FASTKD1: variants seen among roughly 807,000 people sequenced by gnomAD.
FASTKD1 encodes FAST kinase domains 1.
A neutral mutation model predicts 90.9 loss-of-function variants in FASTKD1; 94 were observed. That is an observed-to-expected ratio of 1.03 (90% CI 0.88 to 1.23). The LOEUF is 1.23. Among genes scored for constraint, FASTKD1 ranks in the 50% most tolerant of loss-of-function variants. FASTKD1 has a pLI of 0.00. For missense variants in FASTKD1, 945 were observed against 993.5 expected, an observed-to-expected ratio of 0.95 and a Z score of 0.66; for synonymous variants, 319 against 345.8, an observed-to-expected ratio of 0.92 and a Z score of 0.86.
chr2:169,556,548 G>C (rs1041023414), intron 6 of FASTKD1, among the ~76,000 whole-genome samples: 1 of 152,176 alleles, frequency 6.6e-6, no homozygotes, highest in Non-Finnish European at 1.5e-5. Flanking sequence ...GGAGGGCTGG[G>C]TGCGGTGGCT....
chr2:169,545,910 A>C (rs1685168397), intron 8 of FASTKD1, among the ~76,000 whole-genome samples: 1 of 152,168 alleles, frequency 6.6e-6, no homozygotes, highest in African/African-American at 2.4e-5. Context: ...AGGAACAACA[A>C]ATCGCTGAAA....
At position 169,531,391 on chromosome 2, in the gene FASTKD1, A is replaced by G. The variant is rs1412616278; in HGVS notation, c.2288T>C (p.Ile763Thr). Residue 763 changes from isoleucine (I) to threonine (T), a missense_variant, in exon 13 of 15, where the codon ATC becomes ACC. Physicochemically the swap from Ile to Thr is moderately conservative, Grantham distance 89. Coordinates refer to ENST00000453153, the MANE Select transcript of FASTKD1 (RefSeq NM_024622.6). Reference sequence around the variant, plus strand: ...TGGCAGCCTTGATCCAACTATTTCGATATTTGATTCCCAGGGCATTTCTGG... The same window carrying G: ...TGGCAGCCTTGATCCAACTATTTCGGTATTTGATTCCCAGGGCATTTCTGG... Reference protein sequence around the residue: ...QLPEMPWESNIEIVGSRLPPG... With the variant: ...QLPEMPWESNTEIVGSRLPPG... 6.2e-7 allele frequency: 1 copy of G among 1,613,296 alleles called. No individual in the cohort carries two copies. Among genetic ancestry groups the G allele is most frequent in the Non-Finnish European group, 8.5e-7 (1 of 1,179,902 alleles).
Position 169,530,921 on chromosome 2 carries a change from T to G in FASTKD1, c.2328-220A>C, listed in dbSNP as rs1684452334. The G allele has an allele frequency of 5.7e-6, 4 of 695,866 alleles. No homozygotes were observed. In the Admixed American group the frequency reaches 7.4e-5, roughly 13 times the overall value. 43.1% of individuals were successfully genotyped at this position (695,866 alleles called of 1,614,324 possible). A position where few individuals can be genotyped will look rare whatever the true frequency, so the allele number is the denominator to read the frequency against. ...ATATTTGTCTGCTTTCATCCATTTT[T>G]TTGGTCCAATATATATTTACACATG... On this transcript the variant is annotated intron_variant, in intron 13 of 14. Transcript: ENST00000453153.
chr2:169,568,049 T>G (rs1684062719), intron 3 of FASTKD1, among the ~76,000 whole-genome samples: 1 of 152,216 alleles, frequency 6.6e-6, no homozygotes, highest in African/African-American at 2.4e-5. Context: ...GATTATCAAG[T>G]AAGGCAACAT....
intron 13 of FASTKD1, 47 bp from the exon 14 acceptor site, chr2:169,530,748 C>G (rs1684445748): frequency 1.0e-6 from 1 of 1,004,822 alleles, no homozygotes; most frequent in Non-Finnish European, 1.5e-6. Flanking sequence ...GAATAAGAAA[C>G]TGAATAATTA....
intron 9 of FASTKD1, among the ~76,000 whole-genome samples, chr2:169,541,661 T>A (rs975807587): frequency 2.0e-5 from 3 of 152,212 alleles, no homozygotes; most frequent in Non-Finnish European, 4.4e-5. Context: ...ACTTGCTTCA[T>A]ACCAGCTTCA....
chr2:169,571,761 T>G lies in FASTKD1; in HGVS notation c.269A>C (p.Glu90Ala). 1 of 1,614,072 alleles carries G rather than the reference T, an allele frequency of 6.2e-7. No homozygotes were observed. Among genetic ancestry groups the G allele is most frequent in the South Asian group, 1.1e-5 (1 of 91,076 alleles). The change falls in exon 2 of 15, where the codon GAG (glutamate) becomes GCG (alanine). Residue 90 changes from glutamate to alanine, a missense_variant. Glu to Ala is a moderately radical substitution (Grantham distance 107). Coordinates refer to ENST00000453153, the MANE Select transcript of FASTKD1 (RefSeq NM_024622.6). The stretch of plus-strand genomic sequence containing the variant: ...AAATTGAGGATGGTCTCTGACATAC[T>G]CAGCATTTTTTAACAGGCTGGTCTT... ...KQKTSLLKNA[E>A]YVRDHPQFLT...
intron 3 of FASTKD1, among the ~76,000 whole-genome samples, chr2:169,567,101 C>T (rs1166444249): frequency 6.7e-6 from 1 of 149,092 alleles, no homozygotes. Flanking sequence ...GGCAACAGAG[C>T]GAGACTCTGT....
rs545587597 is a variant in FASTKD1, at chr2:169,529,633, T to C, written c.*192A>G. 4.0e-6 allele frequency: 2 copies of C among 502,310 alleles called. No individual in the cohort carries two copies. Among genetic ancestry groups the C allele is most frequent in the African/African-American group, 2.0e-5 (1 of 51,102 alleles). 31.1% of individuals were successfully genotyped at this position (502,310 alleles called of 1,614,324 possible). ...TTGTATTTGACTCTGTTATCTCTTA[T>C]CTTTTCTCTTATACACTCCCACCCC... On this transcript the variant is annotated 3_prime_UTR_variant, in exon 15 of 15. Coordinates refer to ENST00000453153, the MANE Select transcript of FASTKD1 (RefSeq NM_024622.6).
intron 10 of FASTKD1, 38 bp downstream of exon 10, chr2:169,540,013 C>A (rs1159376192): frequency 7.5e-7 from 1 of 1,337,038 alleles, no homozygotes; most frequent in South Asian, 1.3e-5. Flanking sequence ...ATATAAAGTA[C>A]AACAGATAAT....
rs116622788 is a variant in FASTKD1, at chr2:169,562,201, G to A, written c.572+1024C>T. 6.2e-3 allele frequency among the ~76,000 whole-genome samples: 917 copies of A among 147,558 alleles called. 18 individuals are homozygous for A. Among genetic ancestry groups the A allele is most frequent in the African/African-American group, 0.021 (861 of 40,208 alleles). ...GGTTTTTTTGGATTTTGTTGTTGTT[G>A]TTTCAAGTTTTGTTACTGTTTTTTT... is the stretch of plus-strand genomic sequence containing the variant. On this transcript the variant is annotated intron_variant, in intron 4 of 14. Coordinates refer to ENST00000453153, the MANE Select transcript of FASTKD1 (RefSeq NM_024622.6).
intron 7 of FASTKD1, among the ~76,000 whole-genome samples, chr2:169,547,845 A>C (rs1249206929): frequency 7.8e-6 from 1 of 128,378 alleles, no homozygotes. Context: ...AGATCGTGCC[A>C]CTGCACTCCA....
chr2:169,568,363 A>G (rs575721271), intron 3 of FASTKD1, among the ~76,000 whole-genome samples: 9 of 152,194 alleles, frequency 5.9e-5, no homozygotes, highest in Non-Finnish European at 1.0e-4. Flanking sequence ...TCTTCTAGAA[A>G]AGAAGATTCA....
chr2:169,561,792 G>GTAAATTATTTATTAACTTATTA (rs1559156613), intron 4 of FASTKD1, among the ~76,000 whole-genome samples: 1 of 96,188 alleles, frequency 1.0e-5, no homozygotes, highest in African/African-American at 3.2e-5. Flanking sequence ...TTAATTTATT[G>GTAAATTATTTATTAACTTATTA]TAAATTATTT....
Position 169,560,592 on chromosome 2 carries a change from A to G in FASTKD1, c.766T>C (p.Phe256Leu). The change falls in exon 5 of 15, where the codon TTT (phenylalanine) becomes CTT (leucine). Residue 256 changes from phenylalanine (F) to leucine (L), a missense_variant. Transcript: ENST00000453153. The stretch of plus-strand genomic sequence containing the variant: ...TCAAGGTGGTCCACATTACTTAAAA[A>G]TACGTTATTACATCTTTCTAATAGT... ...QPLLERCNNV[F>L]LSNVDHLDLD... 1 of 1,608,176 alleles carries G rather than the reference A, an allele frequency of 6.2e-7. No homozygotes were observed. The highest frequency in any genetic ancestry group is 1.1e-5 in the South Asian group (1 of 89,480).
intron 6 of FASTKD1, among the ~76,000 whole-genome samples, chr2:169,555,905 GA>G (rs1221970342): frequency 6.6e-6 from 1 of 152,158 alleles, no homozygotes; most frequent in Non-Finnish European, 1.5e-5. Flanking sequence ...CTGTGCTGCA[GA>G]AACTTTCCTT....
intron 14 of FASTKD1, 28 bp from the exon 15 acceptor site, chr2:169,529,954 A>C (rs771712593): frequency 2.9e-5 from 43 of 1,492,696 alleles, no homozygotes; most frequent in Non-Finnish European, 3.8e-5. Context: ...TGTTTGAATG[A>C]AAGTTTTAAA....
chr2:169,562,841 G>A (rs1683770537), intron 4 of FASTKD1, among the ~76,000 whole-genome samples: 1 of 152,050 alleles, frequency 6.6e-6, no homozygotes, highest in African/African-American at 2.4e-5. Context: ...AGAGCTCAGG[G>A]AATCAACACA....
At chr2:169,539,209 T>C (rs1489170556) in intron 10 of FASTKD1, among the ~76,000 whole-genome samples, 2 of 151,212 alleles carry the variant, frequency 1.3e-5, no homozygotes, top group African/African-American at 2.4e-5. Context: ...AAGGTGGAGG[T>C]TGCAGTGAGC....
Sources: allele counts gnomAD v4.1 joint callset (sites outside exome capture counted in the v4.1 genomes callset), GRCh38; gene constraint gnomAD v4.1.1; transcripts MANE v1.5; gene names NCBI Gene and HGNC (gene_info 2026-07-23, HGNC 2026-07-21).